Variants in RBM19 observed in about 807,000 individuals in gnomAD.
RBM19 encodes RNA binding motif protein 19, also known as probable RNA-binding protein 19.
A neutral mutation model predicts 116.8 loss-of-function variants in RBM19; 94 were observed. The ratio of observed to expected loss-of-function variants is 0.80; its 90% CI spans 0.68 to 0.95. RBM19 has a LOEUF of 0.95. Among genes scored for constraint, RBM19 ranks in the 40% least tolerant of loss-of-function variants. The pLI, the probability that RBM19 is intolerant of heterozygous loss-of-function variation, is 0.00. For synonymous variants in RBM19, 475 were observed against 494.1 expected (o/e 0.96, Z 0.51); for missense variants, 1,161 against 1,220.7 (o/e 0.95, Z 0.73).
intron 21 of RBM19, among the ~76,000 whole-genome samples, chr12:113,895,554 A>G (rs1463811771): frequency 6.6e-6 from 1 of 152,124 alleles, no homozygotes; most frequent in Non-Finnish European, 1.5e-5. Context: ...ACACGACATC[A>G]TTTTCTCTAA....
chr12:113,888,231 T>A (rs1402676195), intron 21 of RBM19, among the ~76,000 whole-genome samples: 2 of 152,154 alleles, frequency 1.3e-5, no homozygotes, highest in Non-Finnish European at 2.9e-5. Context: ...ACTCAATGCT[T>A]TACAAACATT....
intron 16 of RBM19, among the ~76,000 whole-genome samples, chr12:113,927,864 A>G (rs1869245068): frequency 6.6e-6 from 1 of 152,260 alleles, no homozygotes; most frequent in Non-Finnish European, 1.5e-5. Context: ...GTTCACAAAC[A>G]AGAGACTAGG....
chr12:113,849,170 C>A (rs1334827377), intron 22 of RBM19, among the ~76,000 whole-genome samples: 1 of 152,218 alleles, frequency 6.6e-6, no homozygotes, highest in South Asian at 2.1e-4. Context: ...GGACACCTGG[C>A]CTCCGTTTCC....
intron 16 of RBM19, among the ~76,000 whole-genome samples, chr12:113,931,492 C>T (rs1869595978): frequency 6.6e-6 from 1 of 152,146 alleles, no homozygotes; most frequent in African/African-American, 2.4e-5. Context: ...CCACTATTTC[C>T]TCCACATGCC....
intron 21 of RBM19, among the ~76,000 whole-genome samples, chr12:113,901,769 C>A (rs1374218933): frequency 6.6e-6 from 1 of 152,128 alleles, no homozygotes; most frequent in South Asian, 2.1e-4. Flanking sequence ...CCTGCCTCAG[C>A]TTCCCAAAGT....
At chr12:113,901,612 G>T (rs947767836) in intron 21 of RBM19, among the ~76,000 whole-genome samples, 6 of 152,120 alleles carry the variant, frequency 3.9e-5, no homozygotes, top group African/African-American at 1.2e-4. Context: ...GGGTTCAAGT[G>T]ATTCTCCCAC....
chr12:113,935,960 C>T (rs1239134779), intron 16 of RBM19, among the ~76,000 whole-genome samples: 2 of 151,992 alleles, frequency 1.3e-5, no homozygotes, highest in Non-Finnish European at 2.9e-5. Context: ...TGCTTCAACC[C>T]AGGAGGCAGA....
chr12:113,860,488 T>C (rs1415156838), intron 21 of RBM19, among the ~76,000 whole-genome samples: 2 of 152,184 alleles, frequency 1.3e-5, no homozygotes, highest in Non-Finnish European at 2.9e-5. Flanking sequence ...AGAAGCCCAC[T>C]GGGACTACAG....
At chr12:113,948,779 A>G in intron 10 of RBM19, 54 bp downstream of exon 10, 1 of 1,576,544 alleles carries the variant, frequency 6.3e-7, no homozygotes, top group Non-Finnish European at 8.7e-7. Flanking sequence ...TCAGAGTGAG[A>G]GCCCGGCTCC....
intron 20 of RBM19, among the ~76,000 whole-genome samples, chr12:113,916,242 A>G (rs1450818650): frequency 6.6e-6 from 1 of 152,134 alleles, no homozygotes; most frequent in Non-Finnish European, 1.5e-5. Context: ...CCCTGTCTCT[A>G]CTGAAAATAC....
At position 113,946,496 on chromosome 12, in the gene RBM19, G is replaced by C. The variant is rs753709684; in HGVS notation, c.1408-21C>G. 5 of 1,614,050 alleles carry C rather than the reference G, an allele frequency of 3.1e-6. No individual in the cohort carries two copies. In the South Asian group the frequency reaches 3.3e-5, roughly 11 times the overall value. On this transcript the variant is annotated intron_variant, in intron 11 of 23. Transcript: ENST00000261741. ...CTGCCCTGGATGGGAATGACGGGAA[G>C]GGAGTAAACAGAAGCCTTGCCTGTA...
chr12:113,878,799 A>T (rs1696407055), intron 21 of RBM19, among the ~76,000 whole-genome samples: 1 of 148,194 alleles, frequency 6.7e-6, no homozygotes, highest in South Asian at 2.3e-4. Context: ...CTGAGTGAAA[A>T]GAAAAAAAGC....
intron 13 of RBM19, among the ~76,000 whole-genome samples, chr12:113,943,510 T>C (rs1870754738): frequency 6.6e-6 from 1 of 151,966 alleles, no homozygotes; most frequent in African/African-American, 2.4e-5. Flanking sequence ...TTTTTTAACA[T>C]TGTGCATATG....
At chr12:113,869,074 C>T (rs1323159506) in intron 21 of RBM19, among the ~76,000 whole-genome samples, 2 of 152,142 alleles carry the variant, frequency 1.3e-5, no homozygotes, top group Non-Finnish European at 2.9e-5. Flanking sequence ...ATGTGCTTAT[C>T]TGTGAAAAGG....
At chr12:113,962,171 T>C in intron 2 of RBM19, 61 bp downstream of exon 2, 1 of 1,583,258 alleles carries the variant, frequency 6.3e-7, no homozygotes, top group Non-Finnish European at 8.6e-7. Flanking sequence ...AAGTGCTGAG[T>C]GAAAGATCAA....
In RBM19 at chr12:113,957,949, C is replaced by A. The variant is rs747768099; in HGVS notation, c.673G>T (p.Glu225Ter). Residue 225 changes from glutamate (E) to a stop codon, truncating the protein, a stop_gained, in exon 6 of 24, where the codon GAG becomes TAG. Transcript: ENST00000261741. LOFTEE classifies it high-confidence loss of function. ...GCTTCATCTTCACTTTCCTCTTCCT[C>A]CGAGGAAGAGGACGACCCAGCCTTC... Reference protein sequence around the residue: ...MVKAGSSSSSEEEESEDEAVH... With the variant: ...MVKAGSSSSS 1 of 1,614,192 alleles carries A rather than the reference C, an allele frequency of 6.2e-7. No homozygotes were observed. The highest frequency in any genetic ancestry group is 1.3e-5 in the African/African-American group (1 of 75,064).
intron 21 of RBM19, among the ~76,000 whole-genome samples, chr12:113,904,518 C>T (rs781620384): frequency 2.0e-5 from 3 of 152,160 alleles, no homozygotes; most frequent in Non-Finnish European, 4.4e-5. Context: ...CTTCAGGCCC[C>T]GGCAGGCCCT....
At chr12:113,860,094 C>T (rs890812440) in intron 21 of RBM19, among the ~76,000 whole-genome samples, 4 of 152,232 alleles carry the variant, frequency 2.6e-5, no homozygotes, top group Admixed American at 2.0e-4. Context: ...AGCAGCTCTG[C>T]TCCCCCCTCC....
chr12:113,893,108 A>T (rs1011127034), intron 21 of RBM19, among the ~76,000 whole-genome samples: 19 of 151,378 alleles, frequency 1.3e-4, no homozygotes, highest in African/African-American at 4.1e-4. Context: ...CATGGCTCAC[A>T]GCAGCCTCCA....
Sources: allele counts gnomAD v4.1 joint callset (sites outside exome capture counted in the v4.1 genomes callset), GRCh38; gene constraint gnomAD v4.1.1; transcripts MANE v1.5; gene names NCBI Gene and HGNC (gene_info 2026-07-23, HGNC 2026-07-21).